CHRM3: variants seen among roughly 807,000 people sequenced by gnomAD.
CHRM3 encodes cholinergic receptor muscarinic 3.
In CHRM3, 11 loss-of-function variants were observed where a neutral mutation model predicts 41.8. The observed-to-expected ratio is 0.26, with a 90% CI of 0.17 to 0.44. The LOEUF is 0.44. CHRM3 is among the 20% of genes least tolerant of loss of function. The pLI, the probability that CHRM3 is intolerant of heterozygous loss-of-function variation, is 1.00. For synonymous variants in CHRM3, 297 were observed against 301.4 expected (o/e 0.99, Z 0.15); for missense variants, 571 against 745.4 (o/e 0.77, Z 2.72).
intron 3 of CHRM3, among the ~76,000 whole-genome samples, chr1:239,583,771 C>T (rs189376912): frequency 4.6e-5 from 7 of 152,258 alleles, no homozygotes; most frequent in East Asian, 1.9e-4. Flanking sequence ...TTTTTTATCA[C>T]CCAGCACATT....
chr1:239,773,256 A>C (rs1026489213), intron 5 of CHRM3, among the ~76,000 whole-genome samples: 2 of 152,162 alleles, frequency 1.3e-5, no homozygotes, highest in African/African-American at 4.8e-5. Context: ...AGTAACCAAC[A>C]CAAACCAAAG....
chr1:239,554,109 G>A (rs1039237572), intron 3 of CHRM3, among the ~76,000 whole-genome samples: 1 of 152,068 alleles, frequency 6.6e-6, no homozygotes, highest in African/African-American at 2.4e-5. Context: ...GTCTGGTCTC[G>A]AATGCCTGGC....
At chr1:239,410,469 C>T (rs2103039219) in intron 1 of CHRM3, among the ~76,000 whole-genome samples, 1 of 152,234 alleles carries the variant, frequency 6.6e-6, no homozygotes, top group Admixed American at 6.5e-5. Flanking sequence ...CTCTAAGAAC[C>T]CATTTTCAAG....
At chr1:239,747,935 G>C (rs1456845697) in intron 5 of CHRM3, among the ~76,000 whole-genome samples, 1 of 152,124 alleles carries the variant, frequency 6.6e-6, no homozygotes, top group Non-Finnish European at 1.5e-5. Context: ...TACTTGGGAG[G>C]CCAAGGCACA....
intron 1 of CHRM3, among the ~76,000 whole-genome samples, chr1:239,468,770 C>T (rs547862624): frequency 1.3e-5 from 2 of 152,180 alleles, no homozygotes; most frequent in South Asian, 4.1e-4. Context: ...GTACTAAAAC[C>T]ATTGCAAGCA....
chr1:239,652,636 G>A (rs1160311573), intron 4 of CHRM3, among the ~76,000 whole-genome samples: 5 of 132,034 alleles, frequency 3.8e-5, no homozygotes, highest in African/African-American at 1.5e-4. Flanking sequence ...TGCTCACTAT[G>A]ACAGGAAAAA....
chr1:239,644,342 C>T (rs1671539754), intron 4 of CHRM3, among the ~76,000 whole-genome samples: 1 of 151,792 alleles, frequency 6.6e-6, no homozygotes, highest in Admixed American at 6.6e-5. Flanking sequence ...TTCCCACCCA[C>T]CCGTCTTCCC....
intron 6 of CHRM3, among the ~76,000 whole-genome samples, chr1:239,874,293 A>ATATATATATATATCTATATACACAGTG (rs1553291872): frequency 3.0e-5 from 2 of 67,078 alleles, no homozygotes; most frequent in Non-Finnish European, 5.8e-5. Flanking sequence ...CAGTATATAT[A>ATATATATATATATCTATATACACAGTG]TATATATATA....
Position 239,911,854 on chromosome 1 carries a change from A to C in CHRM3, c.*2630A>C, listed in dbSNP as rs2103066655. 6.0e-6 allele frequency: 1 copy of C among 167,152 alleles called. No individual in the cohort carries two copies. The highest frequency in any genetic ancestry group is 3.4e-3 in the Middle Eastern group (1 of 296). 10.4% of individuals were successfully genotyped at this position (167,152 alleles called of 1,614,324 possible). A position where few individuals can be genotyped will look rare whatever the true frequency, so the allele number is the denominator to read the frequency against. Reference sequence around the variant, plus strand: ...TCACTTTCAGAGAAAGAAAACAAGCAAAATAGGTTCTTTTGAATATGAATA... The same window carrying C: ...TCACTTTCAGAGAAAGAAAACAAGCCAAATAGGTTCTTTTGAATATGAATA... On this transcript the variant is annotated 3_prime_UTR_variant, in exon 7 of 7. Coordinates refer to ENST00000676153, the MANE Select transcript of CHRM3 (RefSeq NM_001375978.1).
At chr1:239,856,786 G>T (rs1052308078) in intron 6 of CHRM3, among the ~76,000 whole-genome samples, 7 of 152,132 alleles carry the variant, frequency 4.6e-5, no homozygotes, top group Admixed American at 4.6e-4. Flanking sequence ...TAAACAGAGA[G>T]AAGAGGAGGG....
intron 5 of CHRM3, among the ~76,000 whole-genome samples, chr1:239,727,317 A>G (rs1008946854): frequency 7.9e-5 from 12 of 151,934 alleles, no homozygotes; most frequent in Non-Finnish European, 1.3e-4. Context: ...AATGAATATT[A>G]AAATGTATTC....
chr1:239,878,642 C>T (rs1392367999), intron 6 of CHRM3, among the ~76,000 whole-genome samples: 1 of 151,666 alleles, frequency 6.6e-6, no homozygotes. Context: ...TCTCCCTCAC[C>T]ATATATACCA....
chr1:239,393,778 T>C (rs1347556644), intron 1 of CHRM3, among the ~76,000 whole-genome samples: 4 of 152,194 alleles, frequency 2.6e-5, no homozygotes, highest in Non-Finnish European at 5.9e-5. Context: ...ATTTTTAATA[T>C]AAAATTTGAT....
At chr1:239,836,282 G>A (rs1673308237) in intron 6 of CHRM3, among the ~76,000 whole-genome samples, 1 of 152,216 alleles carries the variant, frequency 6.6e-6, no homozygotes, top group Non-Finnish European at 1.5e-5. Context: ...AAAGGGTGTA[G>A]CTTGAGAGGA....
At chr1:239,624,619 A>T (rs1309666189) in intron 3 of CHRM3, among the ~76,000 whole-genome samples, 1 of 151,330 alleles carries the variant, frequency 6.6e-6, no homozygotes, top group Middle Eastern at 3.2e-3. Context: ...CTTCTAGGGT[A>T]TTTATGGTTT....
At chr1:239,459,476 T>C (rs1665199805) in intron 1 of CHRM3, among the ~76,000 whole-genome samples, 1 of 152,192 alleles carries the variant, frequency 6.6e-6, no homozygotes, top group African/African-American at 2.4e-5. Context: ...TCCATATTAA[T>C]ATCATCCTTA....
chr1:239,861,947 C>A lies in CHRM3; in HGVS notation c.-20+34569C>A, dbSNP rs7555437. ...AAAAATGAAATTTTCCCAAAGCAAC[C>A]TGTCTTCTGAGGCTGTCTGTGCAGT... On this transcript the variant is annotated intron_variant, in intron 6 of 6. Coordinates refer to ENST00000676153, the MANE Select transcript of CHRM3 (RefSeq NM_001375978.1). Among the ~76,000 whole-genome samples the A allele has an allele frequency of 6.0e-3, 916 of 152,118 alleles. 16 individuals are homozygous for A. The highest frequency in any genetic ancestry group is 0.021 in the African/African-American group (874 of 41,486).
intron 5 of CHRM3, among the ~76,000 whole-genome samples, chr1:239,782,273 A>G (rs926863628): frequency 1.3e-5 from 2 of 151,956 alleles, no homozygotes; most frequent in African/African-American, 4.8e-5. Context: ...TTAATTATTT[A>G]TTTAATTTCT....
chr1:239,641,726 C>T (rs1671176371), intron 4 of CHRM3, among the ~76,000 whole-genome samples: 1 of 140,874 alleles, frequency 7.1e-6, no homozygotes, highest in South Asian at 2.3e-4. Context: ...TCCAATTTGC[C>T]AGTCTGTGTC....
Sources: allele counts gnomAD v4.1 joint callset (sites outside exome capture counted in the v4.1 genomes callset), GRCh38; gene constraint gnomAD v4.1.1; transcripts MANE v1.5; gene names NCBI Gene and HGNC (gene_info 2026-07-23, HGNC 2026-07-21).